CPSF2: variants seen among roughly 807,000 people sequenced by gnomAD.
The protein encoded by CPSF2 is cleavage and polyadenylation specific factor 2, also known as cleavage and polyadenylation specificity factor subunit 2.
Under a neutral mutation model 84.2 loss-of-function variants are expected in CPSF2, and 51 were observed. The ratio of observed to expected loss-of-function variants is 0.61; its 90% CI spans 0.48 to 0.77. CPSF2 has a LOEUF of 0.77. Ranked by LOEUF, CPSF2 falls within the 30% of genes least tolerant of loss-of-function variation. CPSF2 has a pLI of 0.00. For missense variants in CPSF2, 641 were observed against 929.4 expected, an observed-to-expected ratio of 0.69 and a Z score of 4.03; for synonymous variants, 286 against 311.9, an observed-to-expected ratio of 0.92 and a Z score of 0.87.
Position 92,131,108 on chromosome 14 carries a change from A to G in CPSF2, c.124A>G (p.Met42Val), listed in dbSNP as rs761015090. 108 of 1,606,182 alleles carry G rather than the reference A, an allele frequency of 6.7e-5. No individual in the cohort carries two copies. In the Admixed American group the frequency reaches 9.2e-4, roughly 14 times the overall value. Reference protein sequence around the residue: ...LDCGWDEHFSMDIIDSLRKHV... With the variant: ...LDCGWDEHFSVDIIDSLRKHV... Reference sequence around the variant, plus strand: ...CTGTGGCTGGGATGAGCACTTTTCTATGGATATTATTGATTCCCTGAGGAA... The same window carrying G: ...CTGTGGCTGGGATGAGCACTTTTCTGTGGATATTATTGATTCCCTGAGGAA... The change falls in exon 3 of 16, where the codon ATG becomes GTG. Residue 42 changes from methionine to valine, a missense_variant. Transcript: ENST00000298875.
chr14:92,125,476 C>T (rs887778095), intron 1 of CPSF2, among the ~76,000 whole-genome samples: 1 of 152,090 alleles, frequency 6.6e-6, no homozygotes, highest in African/African-American at 2.4e-5. Flanking sequence ...AATACTTTCG[C>T]TTTTTATCTC....
intron 2 of CPSF2, among the ~76,000 whole-genome samples, chr14:92,126,682 A>G (rs1005311469): frequency 2.0e-5 from 3 of 152,106 alleles, no homozygotes; most frequent in African/African-American, 7.2e-5. Flanking sequence ...GCGTGCCCGT[A>G]GTCCCAGCTA....
chr14:92,132,824 C>T (rs2068950322), intron 3 of CPSF2, among the ~76,000 whole-genome samples: 1 of 151,366 alleles, frequency 6.6e-6, no homozygotes, highest in South Asian at 2.1e-4. Context: ...GGTGCGGTGG[C>T]TCATGCCTGC....
At chr14:92,133,324 C>T (rs2068958111) in intron 3 of CPSF2, among the ~76,000 whole-genome samples, 2 of 151,676 alleles carry the variant, frequency 1.3e-5, no homozygotes, top group Non-Finnish European at 1.5e-5. Context: ...GAGGCTGAGG[C>T]AGGAGAATCG....
At chr14:92,154,708 G>A (rs1194743120) in intron 10 of CPSF2, among the ~76,000 whole-genome samples, 3 of 152,118 alleles carry the variant, frequency 2.0e-5, no homozygotes, top group Non-Finnish European at 4.4e-5. Context: ...CTTAATGATG[G>A]GGACAGTTCT....
chr14:92,134,407 T>C, intron 5 of CPSF2, 52 bp downstream of exon 5: 1 of 1,214,960 alleles, frequency 8.2e-7, no homozygotes, highest in Non-Finnish European at 1.2e-6. Flanking sequence ...TTTAACTTGC[T>C]GGAAAATACC....
chr14:92,129,357 G>A (rs2068886117), intron 2 of CPSF2, among the ~76,000 whole-genome samples: 2 of 152,182 alleles, frequency 1.3e-5, no homozygotes, highest in Admixed American at 1.3e-4. Flanking sequence ...GTCTTACTGG[G>A]AGACGTACAC....
In CPSF2 at chr14:92,170,278, A is replaced by C. The variant is rs997524247; in HGVS notation, c.*8534A>C. On this transcript the variant is annotated 3_prime_UTR_variant, in exon 16 of 16. Transcript: ENST00000298875. ...GTATATCCTTCCCCTAGATTCTTCT[A>C]TTGTTAACATCTTGCCATATTTTCC... 2.0e-5 allele frequency: 3 copies of C among 152,190 alleles called. No individual in the cohort carries two copies. The highest frequency in any genetic ancestry group is 2.9e-5 in the Non-Finnish European group (2 of 68,030). The allele number at this position is 152,190 out of a possible 1,614,324, so 9.4% of individuals were successfully genotyped here.
chr14:92,153,282 T>C (rs1295347674), intron 9 of CPSF2, among the ~76,000 whole-genome samples: 2 of 152,156 alleles, frequency 1.3e-5, no homozygotes, highest in South Asian at 2.1e-4. Flanking sequence ...GTAAATTGCC[T>C]TTTTAAGTAT....
intron 1 of CPSF2, among the ~76,000 whole-genome samples, chr14:92,124,541 A>C (rs2068821535): frequency 6.6e-6 from 1 of 152,208 alleles, no homozygotes; most frequent in South Asian, 2.1e-4. Context: ...AGTCTGAGAC[A>C]TGTACATAAA....
intron 8 of CPSF2, 62 bp downstream of exon 8, chr14:92,142,413 G>A (rs2069090342): frequency 7.7e-7 from 1 of 1,295,052 alleles, no homozygotes. Context: ...GTGGAAGTGG[G>A]CGTCTTAAAT....
At chr14:92,123,149 A>G (rs55925403) in intron 1 of CPSF2, among the ~76,000 whole-genome samples, 1,841 of 152,200 alleles carry the variant, frequency 0.012, 42 homozygotes, top group African/African-American at 0.042. Flanking sequence ...TATTTTTGAG[A>G]AGGAATCTCG....
At chr14:92,135,621 A>C (rs891492388) in intron 6 of CPSF2, 125 bp downstream of exon 6, 2 of 849,146 alleles carry the variant, frequency 2.4e-6, no homozygotes, top group African/African-American at 3.5e-5. Context: ...AAACCGTCAA[A>C]TAGGGAGTGT....
Position 92,131,174 on chromosome 14 carries a change from C to A in CPSF2, c.149+41C>A, listed in dbSNP as rs1410611720. On this transcript the variant is annotated intron_variant, in intron 3 of 15. Transcript: ENST00000298875. The stretch of plus-strand genomic sequence containing the variant: ...TAATTCTATGTTTTTATTAAATCAA[C>A]TTCTCTTTTCTGTACTGTAATACCA... 3.3e-6 allele frequency: 5 copies of A among 1,498,876 alleles called. No individual in the cohort carries two copies. The South Asian group carries it at 3.6e-5, about 11-fold the overall frequency. The allele number at this position is 1,498,876 out of a possible 1,614,324, so 92.8% of individuals were successfully genotyped here. A position where few individuals can be genotyped will look rare whatever the true frequency, so the allele number is the denominator to read the frequency against.
At chr14:92,152,786 C>T (rs2069238113) in intron 9 of CPSF2, among the ~76,000 whole-genome samples, 1 of 152,188 alleles carries the variant, frequency 6.6e-6, no homozygotes, top group African/African-American at 2.4e-5. Context: ...AAAAATTGCT[C>T]AGTTTTAATT....
chr14:92,142,998 T>C lies in CPSF2; in HGVS notation c.850-6T>C. On this transcript the variant is annotated splice_region_variant and splice_polypyrimidine_tract_variant and intron_variant, in intron 8 of 15. Transcript: ENST00000298875. Reference sequence around the variant, plus strand: ...CTAATTCTTGTCATCTTTCCCCCCATGTTAGGTAGAATGGATGAGTGATAA... The same window carrying C: ...CTAATTCTTGTCATCTTTCCCCCCACGTTAGGTAGAATGGATGAGTGATAA... 6.3e-7 allele frequency: 1 copy of C among 1,597,406 alleles called. No homozygotes were observed. Among genetic ancestry groups the C allele is most frequent in the Non-Finnish European group, 8.6e-7 (1 of 1,168,134 alleles).
At chr14:92,125,633 C>T (rs990469306) in intron 1 of CPSF2, among the ~76,000 whole-genome samples, 2 of 152,026 alleles carry the variant, frequency 1.3e-5, no homozygotes, top group African/African-American at 4.8e-5. Flanking sequence ...GTTTCCAAGG[C>T]CTTTCACTAT....
intron 9 of CPSF2, among the ~76,000 whole-genome samples, chr14:92,150,299 T>C (rs2069197639): frequency 6.6e-6 from 1 of 151,852 alleles, no homozygotes; most frequent in East Asian, 1.9e-4. Context: ...TTTTCATATT[T>C]TTAGTAGAGA....
In CPSF2 at chr14:92,142,995, C is replaced by G; in HGVS notation, c.850-9C>G. On this transcript the variant is annotated splice_polypyrimidine_tract_variant and intron_variant, in intron 8 of 15. Coordinates refer to ENST00000298875, the MANE Select transcript of CPSF2 (RefSeq NM_017437.3). Reference sequence around the variant, plus strand: ...TTTCTAATTCTTGTCATCTTTCCCCCCATGTTAGGTAGAATGGATGAGTGA... The same window carrying G: ...TTTCTAATTCTTGTCATCTTTCCCCGCATGTTAGGTAGAATGGATGAGTGA... 1.3e-6 allele frequency: 2 copies of G among 1,588,474 alleles called. No individual in the cohort carries two copies. The highest frequency in any genetic ancestry group is 1.7e-6 in the Non-Finnish European group (2 of 1,164,054).
Sources: allele counts gnomAD v4.1 joint callset (sites outside exome capture counted in the v4.1 genomes callset), GRCh38; gene constraint gnomAD v4.1.1; transcripts MANE v1.5; gene names NCBI Gene and HGNC (gene_info 2026-07-23, HGNC 2026-07-21).